Variants in IL18BP observed in about 807,000 individuals in gnomAD.
IL18BP encodes interleukin-18-binding protein.
Under a neutral mutation model 19.9 loss-of-function variants are expected in IL18BP, and 23 were observed. The observed-to-expected ratio is 1.15, with a 90% CI of 0.83 to 1.64. IL18BP has a LOEUF of 1.64. IL18BP is among the 40% of genes most tolerant of loss of function. IL18BP has a pLI of 0.00. For synonymous variants in IL18BP, 107 were observed against 101.0 expected (o/e 1.06, Z -0.35); for missense variants, 239 against 240.7 (o/e 0.99, Z 0.05).
At chr11:72,007,202 ATGT>A (rs1159685453), downstream of IL18BP, 3 of 1,609,540 alleles carry the variant, frequency 1.9e-6, no homozygotes, top group African/African-American at 1.3e-5. Flanking sequence ...GGTCATGGTG[ATGT>A]TGATGATCTG....
At chr11:72,002,936 C>T (rs1955358141), downstream of IL18BP, 1 of 232,764 alleles carries the variant, frequency 4.3e-6, no homozygotes, top group African/African-American at 2.2e-5. Flanking sequence ...CCTTAAAAAC[C>T]TTCCCATCAC....
In IL18BP at chr11:72,001,284, A is replaced by G. The variant is rs955804334; in HGVS notation, c.319A>G (p.Ile107Val). ...CTACTGGCTGGGCAATGGTTCCTTC[A>G]TTGAGCACCTCCCAGGCCGACTGTG... ...ILYWLGNGSFIEHLPGRLWEG... is the reference protein window; with the variant it reads ...ILYWLGNGSFVEHLPGRLWEG... Residue 107 changes from isoleucine (I) to valine (V), a missense_variant, in exon 4 of 6, where the codon ATT becomes GTT. By Grantham distance (29) the Ile-to-Val change is conservative (BLOSUM62 3). Coordinates refer to ENST00000393703, the MANE Select transcript of IL18BP (RefSeq NM_001039660.2). 3 of 1,614,180 alleles carry G rather than the reference A, an allele frequency of 1.9e-6. No homozygotes were observed. Among genetic ancestry groups the G allele is most frequent in the Non-Finnish European group, 2.5e-6 (3 of 1,180,018 alleles).
At chr11:72,004,428 C>T, downstream of IL18BP, 1 of 1,317,404 alleles carries the variant, frequency 7.6e-7, no homozygotes, top group South Asian at 1.2e-5. Context: ...GCTGAGTGGA[C>T]CTTGTAAGTC....
downstream of IL18BP, chr11:72,004,264 A>G (rs749981003): frequency 3.1e-6 from 5 of 1,612,834 alleles, no homozygotes; most frequent in Non-Finnish European, 4.2e-6. Context: ...TCTGGGCCTC[A>G]GTAGTGCTCT....
rs1336376026 is a variant in IL18BP at position 71,999,918 on chromosome 11, T to C, written c.-58-9T>C. The C allele has an allele frequency of 6.4e-6, 10 of 1,563,728 alleles. No individual in the cohort carries two copies. Among genetic ancestry groups the C allele is most frequent in the Non-Finnish European group, 7.9e-6 (9 of 1,138,738 alleles). ...TGGTTTACCATTCTCCTCCCCCACC[T>C]TTCACCAGAGAAGAGGACGTTGTCA... On this transcript the variant is annotated splice_polypyrimidine_tract_variant and intron_variant, in intron 1 of 5. Transcript: ENST00000393703.
In IL18BP at chr11:72,002,041, A is replaced by T. The variant is rs1955280827; in HGVS notation, c.*180A>T. 1 of 827,626 alleles carries T rather than the reference A, an allele frequency of 1.2e-6. No individual in the cohort carries two copies. The highest frequency in any genetic ancestry group is 1.9e-6 in the Non-Finnish European group (1 of 526,914). 51.3% of individuals were successfully genotyped at this position (827,626 alleles called of 1,614,324 possible). A position where few individuals can be genotyped will look rare whatever the true frequency, so the allele number is the denominator to read the frequency against. On this transcript the variant is annotated 3_prime_UTR_variant, in exon 6 of 6. Coordinates refer to ENST00000393703, the MANE Select transcript of IL18BP (RefSeq NM_001039660.2). ...AAACTCCATTCCCACCTACCTAGAA[A>T]ATCACAGCCTCCTTATAATGCCTCC...
chr11:71,999,916 C>A lies in IL18BP; in HGVS notation c.-58-11C>A. The stretch of plus-strand genomic sequence containing the variant: ...AGTGGTTTACCATTCTCCTCCCCCA[C>A]CTTTCACCAGAGAAGAGGACGTTGT... On this transcript the variant is annotated splice_polypyrimidine_tract_variant and intron_variant, in intron 1 of 5. Coordinates refer to ENST00000393703, the MANE Select transcript of IL18BP (RefSeq NM_001039660.2). 1 of 1,549,794 alleles carries A rather than the reference C, an allele frequency of 6.5e-7. No individual in the cohort carries two copies. Among genetic ancestry groups the A allele is most frequent in the South Asian group, 1.1e-5 (1 of 88,160 alleles).
intron 1 of IL18BP, 80 bp from the exon 2 acceptor site, chr11:71,999,847 G>GAAGCCAGCTACTGAGGAA (rs750312451): frequency 7.6e-5 from 58 of 765,010 alleles, no homozygotes; most frequent in Non-Finnish European, 8.1e-5. Context: ...TACGGGAGGA[G>GAAGCCAGCTACTGAGGAA]AAGCCAGCTA....
Position 72,001,819 on chromosome 11 carries a change from A to T in IL18BP, c.543A>T (p.Glu181Asp). 6.2e-7 allele frequency: 1 copy of T among 1,613,946 alleles called. No individual in the cohort carries two copies. Among genetic ancestry groups the T allele is most frequent in the African/African-American group, 1.3e-5 (1 of 74,998 alleles). ...GGGCAACCTTGCCCCCCACCCAAGA[A>T]GCCCTGCCCTCCAGCCACAGCAGTC... ...GLRATLPPTQEALPSSHSSPQ... is the reference protein window; with the variant it reads ...GLRATLPPTQDALPSSHSSPQ... Residue 181 changes from glutamate to aspartate, a missense_variant, in exon 6 of 6, where the codon GAA (glutamate) becomes GAT (aspartate). Transcript: ENST00000393703.
rs779364841 is a variant in IL18BP at position 72,001,188 on chromosome 11, C to T, written c.236-13C>T. 1.9e-6 allele frequency: 3 copies of T among 1,614,000 alleles called. No individual in the cohort carries two copies. In the South Asian group the frequency reaches 3.3e-5, roughly 18 times the overall value. On this transcript the variant is annotated splice_polypyrimidine_tract_variant and intron_variant, in intron 3 of 5. Coordinates refer to ENST00000393703, the MANE Select transcript of IL18BP (RefSeq NM_001039660.2). ...TGCTCTTCTGAAGAGCTAACTGCTG[C>T]CTGTGTCCCTAGATGGAACGCTGAG... is the stretch of plus-strand genomic sequence containing the variant.
chr11:72,001,369 G>A (rs751799351), intron 4 of IL18BP, 36 bp from the exon 5 acceptor site: 15 of 1,614,094 alleles, frequency 9.3e-6, no homozygotes, highest in Admixed American at 3.3e-5. Flanking sequence ...GGCCTTCTGC[G>A]GCCTTCTCAT....
At chr11:72,001,075 G>C (rs986514083) in intron 3 of IL18BP, 126 bp from the exon 4 acceptor site, 1 of 1,137,788 alleles carries the variant, frequency 8.8e-7, no homozygotes, top group African/African-American at 1.5e-5. Flanking sequence ...CCTAGGTGGT[G>C]TGCAGAGCAG....
downstream of IL18BP, chr11:72,006,311 A>G (rs1431152053): frequency 6.5e-7 from 1 of 1,537,540 alleles, no homozygotes; most frequent in South Asian, 1.1e-5. Context: ...CTGGCACTGT[A>G]CAGAAGCTTC....
At chr11:72,007,234 G>A (rs546435115), downstream of IL18BP, 22 of 1,612,740 alleles carry the variant, frequency 1.4e-5, no homozygotes, top group South Asian at 1.1e-4. Flanking sequence ...GCCGACGAGC[G>A]GAGCGGGTCT....
chr11:72,004,390 C>A, downstream of IL18BP: 3 of 1,535,850 alleles, frequency 2.0e-6, no homozygotes, highest in Non-Finnish European at 2.7e-6. Flanking sequence ...GGAGTCACAT[C>A]TGAAGCCAGG....
chr11:72,007,359 G>A, downstream of IL18BP: 1 of 1,613,776 alleles, frequency 6.2e-7, no homozygotes. Flanking sequence ...TCTACCTTGG[G>A]GGGCAGGCGC....
downstream of IL18BP, chr11:72,004,111 G>A (rs578217932): frequency 1.9e-6 from 3 of 1,613,070 alleles, no homozygotes; most frequent in African/African-American, 2.7e-5. Flanking sequence ...TGCAAGGAAG[G>A]GCTGTCAGAC....
downstream of IL18BP, chr11:72,007,830 C>G (rs1356440022): frequency 1.1e-5 from 4 of 352,116 alleles, no homozygotes; most frequent in Non-Finnish European, 2.2e-5. Flanking sequence ...TGTCGTCCTG[C>G]TTGGCGAGCC....
downstream of IL18BP, chr11:72,007,379 G>C: frequency 3.7e-6 from 6 of 1,613,838 alleles, no homozygotes; most frequent in Non-Finnish European, 5.1e-6. Flanking sequence ...CTGGGAGATA[G>C]GTGAGGCTGG....
Sources: gnomAD v4.1 joint callset for allele counts on GRCh38, gnomAD v4.1.1 for gene constraint, MANE v1.5 for transcripts, NCBI Gene and HGNC (gene_info 2026-07-23, HGNC 2026-07-21) for gene names.